The following PAK5 variants were observed in gnomAD, a reference collection of about 807,000 sequenced individuals.
PAK5 encodes the protein serine/threonine-protein kinase PAK 5.
PAK5 carries 16 observed loss-of-function variants against 65.9 expected under a neutral mutation model. The observed-to-expected ratio is 0.24, with a 90% CI of 0.16 to 0.37. PAK5 has a LOEUF of 0.37. PAK5 is among the 10% of genes least tolerant of loss of function. The pLI is 1.00. For synonymous variants in PAK5, 371 were observed against 354.9 expected, an observed-to-expected ratio of 1.05 and a Z score of -0.51; for missense variants, 785 against 903.9, an observed-to-expected ratio of 0.87 and a Z score of 1.69.
chr20:9,800,014 G>A (rs1464446755), intron 1 of PAK5, among the ~76,000 whole-genome samples: 2 of 149,122 alleles, frequency 1.3e-5, no homozygotes, highest in Non-Finnish European at 3.0e-5. Flanking sequence ...ATGAAAGATA[G>A]TGTAGTCTTC....
chr20:9,618,596 G>A (rs923262863), intron 3 of PAK5, among the ~76,000 whole-genome samples: 6 of 150,608 alleles, frequency 4.0e-5, no homozygotes, highest in African/African-American at 1.2e-4. Flanking sequence ...TGTATTTTTA[G>A]TAGAGATGGG....
chr20:9,586,474 TA>T (rs2046072475), intron 3 of PAK5, among the ~76,000 whole-genome samples: 2 of 152,204 alleles, frequency 1.3e-5, no homozygotes, highest in Non-Finnish European at 2.9e-5. Context: ...CTATTTATCC[TA>T]AAATATCTAT....
chr20:9,814,527 A>G (rs1005918841), intron 1 of PAK5, among the ~76,000 whole-genome samples: 2 of 152,352 alleles, frequency 1.3e-5, no homozygotes, highest in Non-Finnish European at 2.9e-5. Flanking sequence ...GTTGCCAATT[A>G]AAATATCACA....
At chr20:9,827,383 C>T (rs1978350922) in intron 1 of PAK5, among the ~76,000 whole-genome samples, 1 of 152,164 alleles carries the variant, frequency 6.6e-6, no homozygotes, top group African/African-American at 2.4e-5. Context: ...ACCGCCTTTT[C>T]ACATTTGCAT....
At chr20:9,721,673 A>T (rs2048216479) in intron 1 of PAK5, among the ~76,000 whole-genome samples, 1 of 150,812 alleles carries the variant, frequency 6.6e-6, no homozygotes, top group South Asian at 2.1e-4. Flanking sequence ...AAAAAAAAAA[A>T]AAAAAAAAAG....
At chr20:9,821,218 T>C (rs1341394419) in intron 1 of PAK5, among the ~76,000 whole-genome samples, 1 of 151,966 alleles carries the variant, frequency 6.6e-6, no homozygotes, top group Non-Finnish European at 1.5e-5. Flanking sequence ...CCATCTCTAC[T>C]AAAAATACAA....
At chr20:9,802,060 C>G (rs1186337377) in intron 1 of PAK5, among the ~76,000 whole-genome samples, 1 of 152,174 alleles carries the variant, frequency 6.6e-6, no homozygotes, top group East Asian at 1.9e-4. Context: ...TTAGGACAGT[C>G]AGTCTGGGGA....
chr20:9,643,604 A>C (rs1183122913), intron 3 of PAK5, among the ~76,000 whole-genome samples: 1 of 152,194 alleles, frequency 6.6e-6, no homozygotes, highest in Non-Finnish European at 1.5e-5. Context: ...GTGTGTATAT[A>C]TACACACATA....
intron 2 of PAK5, among the ~76,000 whole-genome samples, chr20:9,679,564 T>C (rs569937177): frequency 2.6e-5 from 4 of 152,330 alleles, no homozygotes; most frequent in South Asian, 4.1e-4. Flanking sequence ...CTCATATTGC[T>C]GACATTCAAA....
chr20:9,704,349 T>C (rs1457936186), intron 2 of PAK5, among the ~76,000 whole-genome samples: 1 of 152,194 alleles, frequency 6.6e-6, no homozygotes, highest in Non-Finnish European at 1.5e-5. Flanking sequence ...AGGTCAAAAG[T>C]AGCCATCTAC....
At chr20:9,704,997 G>A (rs934965816) in intron 2 of PAK5, among the ~76,000 whole-genome samples, 3 of 152,170 alleles carry the variant, frequency 2.0e-5, no homozygotes, top group African/African-American at 7.2e-5. Context: ...TGTTCCCTGG[G>A]GAAACATTTG....
At chr20:9,650,298 C>A (rs2047186721) in intron 2 of PAK5, among the ~76,000 whole-genome samples, 1 of 152,184 alleles carries the variant, frequency 6.6e-6, no homozygotes, top group Non-Finnish European at 1.5e-5. Context: ...TACACTACAA[C>A]TCTCTCCCCA....
At chr20:9,576,198 A>T (rs1273496224) in intron 4 of PAK5, among the ~76,000 whole-genome samples, 1 of 152,212 alleles carries the variant, frequency 6.6e-6, no homozygotes, top group Non-Finnish European at 1.5e-5. Flanking sequence ...TATTTTGTAC[A>T]TAAAGAAGTG....
chr20:9,584,358 G>C (rs1481795594), intron 3 of PAK5, among the ~76,000 whole-genome samples: 1 of 152,068 alleles, frequency 6.6e-6, no homozygotes, highest in Admixed American at 6.5e-5. Context: ...TGTCACCCAA[G>C]CTGGAGTGTA....
intron 1 of PAK5, among the ~76,000 whole-genome samples, chr20:9,741,563 G>C (rs1255677342): frequency 6.6e-6 from 1 of 152,060 alleles, no homozygotes; most frequent in Non-Finnish European, 1.5e-5. Flanking sequence ...CAAGCTACTT[G>C]ACCCCTTTTA....
At chr20:9,802,481 C>G (rs1600390924) in intron 1 of PAK5, among the ~76,000 whole-genome samples, 1 of 152,126 alleles carries the variant, frequency 6.6e-6, no homozygotes, top group African/African-American at 2.4e-5. Context: ...TAAAGGGAAC[C>G]CCAGAAATAA....
At chr20:9,792,601 A>G (rs1001397979) in intron 1 of PAK5, among the ~76,000 whole-genome samples, 19 of 152,170 alleles carry the variant, frequency 1.2e-4, no homozygotes, top group African/African-American at 4.3e-4. Flanking sequence ...TTTTCAAGAA[A>G]CTTAAGTGGA....
chr20:9,772,844 T>C (rs1266580694), intron 1 of PAK5, among the ~76,000 whole-genome samples: 1 of 152,210 alleles, frequency 6.6e-6, no homozygotes, highest in East Asian at 1.9e-4. Flanking sequence ...GAAGGCTGGA[T>C]GTGTCAGGGA....
At chr20:9,800,222 C>T (rs1030037927) in intron 1 of PAK5, among the ~76,000 whole-genome samples, 7 of 152,066 alleles carry the variant, frequency 4.6e-5, no homozygotes, top group Admixed American at 1.3e-4. Flanking sequence ...ATTCATGACG[C>T]TTTGAGGATT....
Sources: allele counts gnomAD v4.1 joint callset (sites outside exome capture counted in the v4.1 genomes callset), GRCh38; gene constraint gnomAD v4.1.1; transcripts MANE v1.5; gene names NCBI Gene and HGNC (gene_info 2026-07-23, HGNC 2026-07-21).